Variants in ASIC2 observed in about 807,000 individuals in gnomAD.
The protein encoded by ASIC2 is acid sensing ion channel subunit 2.
In ASIC2, 25 loss-of-function variants were observed where a neutral mutation model predicts 57.3. That is an observed-to-expected ratio of 0.44 (90% CI 0.32 to 0.61). The LOEUF is 0.61. Ranked by LOEUF, ASIC2 falls within the 20% of genes least tolerant of loss-of-function variation. The probability of loss-of-function intolerance (pLI) is 0.06; values close to 1 mark genes in which losing one functional copy is unlikely to be tolerated. For missense variants in ASIC2, 641 were observed against 738.1 expected, an observed-to-expected ratio of 0.87 and a Z score of 1.52; for synonymous variants, 319 against 307.5, an observed-to-expected ratio of 1.04 and a Z score of -0.39.
chr17:33,138,516 C>G (rs1462672989), intron 1 of ASIC2, among the ~76,000 whole-genome samples: 1 of 152,214 alleles, frequency 6.6e-6, no homozygotes, highest in African/African-American at 2.4e-5. Context: ...AAGTCCTTGA[C>G]TAGTACACTT....
chr17:34,059,523 G>A lies in ASIC2; in HGVS notation c.555+96455C>T, dbSNP rs138029891. ...ACTCAGGGCAGGGCGCAAATTGGGC[G>A]TGCAGACTTCATAGGCAAGGAAAGA... On this transcript the variant is annotated intron_variant, in intron 1 of 9. Transcript: ENST00000359872. Among the ~76,000 whole-genome samples the A allele has an allele frequency of 1.4e-3, 217 of 152,304 alleles. 1 individual carries two copies. Among genetic ancestry groups the A allele is most frequent in the African/African-American group, 5.0e-3 (208 of 41,564 alleles).
intron 1 of ASIC2, among the ~76,000 whole-genome samples, chr17:33,728,758 T>C (rs181131141): frequency 1.3e-5 from 2 of 152,008 alleles, no homozygotes; most frequent in African/African-American, 2.4e-5. Context: ...TCAGAGTAGA[T>C]TGAGTTGGGA....
At chr17:33,810,324 A>G (rs1168241013) in intron 1 of ASIC2, among the ~76,000 whole-genome samples, 1 of 152,182 alleles carries the variant, frequency 6.6e-6, no homozygotes, top group Non-Finnish European at 1.5e-5. Context: ...TTGGTTTCCA[A>G]ACTTTGCTGC....
At chr17:33,813,514 G>T (rs972514454) in intron 1 of ASIC2, among the ~76,000 whole-genome samples, 2 of 152,160 alleles carry the variant, frequency 1.3e-5, no homozygotes, top group Non-Finnish European at 2.9e-5. Flanking sequence ...TTGGCTCACT[G>T]CAAGCTCCAC....
intron 1 of ASIC2, among the ~76,000 whole-genome samples, chr17:34,057,828 G>T (rs1597998426): frequency 6.6e-6 from 1 of 152,198 alleles, no homozygotes; most frequent in East Asian, 1.9e-4. Flanking sequence ...GGGTACTTTG[G>T]AAATGCCTGT....
intron 1 of ASIC2, among the ~76,000 whole-genome samples, chr17:33,333,310 CG>C (rs1907389927): frequency 6.6e-6 from 1 of 152,122 alleles, no homozygotes; most frequent in South Asian, 2.1e-4. Flanking sequence ...GGTTCTTATC[CG>C]GGCCTTATTT....
chr17:34,109,838 T>C (rs1911203194), intron 1 of ASIC2, among the ~76,000 whole-genome samples: 1 of 152,180 alleles, frequency 6.6e-6, no homozygotes, highest in Non-Finnish European at 1.5e-5. Flanking sequence ...GGATTAGACA[T>C]GAGTCCAGGT....
At chr17:33,082,453 C>T (rs899726966) in intron 3 of ASIC2, among the ~76,000 whole-genome samples, 1 of 152,100 alleles carries the variant, frequency 6.6e-6, no homozygotes, top group Non-Finnish European at 1.5e-5. Context: ...AATCCTAGCA[C>T]TTTGGAAGGC....
chr17:34,093,392 T>A (rs944811554), intron 1 of ASIC2, among the ~76,000 whole-genome samples: 2 of 152,170 alleles, frequency 1.3e-5, no homozygotes, highest in African/African-American at 4.8e-5. Flanking sequence ...GGATTCATAT[T>A]TCTGTCCTCC....
At chr17:33,309,739 C>A (rs1327111424) in intron 1 of ASIC2, among the ~76,000 whole-genome samples, 2 of 151,862 alleles carry the variant, frequency 1.3e-5, no homozygotes, top group Admixed American at 6.6e-5. Flanking sequence ...TATTGTGGTA[C>A]ACATCATTTC....
At chr17:33,249,459 G>A (rs1169222016) in intron 1 of ASIC2, among the ~76,000 whole-genome samples, 1 of 152,134 alleles carries the variant, frequency 6.6e-6, no homozygotes, top group African/African-American at 2.4e-5. Context: ...GAGAAAGAAG[G>A]GAACTGAGGA....
chr17:33,575,207 C>T (rs1031152498), intron 1 of ASIC2, among the ~76,000 whole-genome samples: 1 of 152,220 alleles, frequency 6.6e-6, no homozygotes, highest in Non-Finnish European at 1.5e-5. Flanking sequence ...TGATTCATCT[C>T]TGAATCTCCA....
chr17:33,042,629 C>A (rs995846083), intron 3 of ASIC2, among the ~76,000 whole-genome samples: 1 of 152,152 alleles, frequency 6.6e-6, no homozygotes, highest in African/African-American at 2.4e-5. Context: ...GAGACTGGAG[C>A]CCAGAGAGGT....
chr17:33,759,036 G>C (rs900579931), intron 1 of ASIC2, among the ~76,000 whole-genome samples: 2 of 152,032 alleles, frequency 1.3e-5, no homozygotes, highest in African/African-American at 4.8e-5. Flanking sequence ...AAAAAGCCTA[G>C]ATCCTAGTGA....
chr17:33,605,185 A>C (rs914472880), intron 1 of ASIC2, among the ~76,000 whole-genome samples: 5 of 152,236 alleles, frequency 3.3e-5, no homozygotes, highest in Non-Finnish European at 5.9e-5. Context: ...TACGTTGGGC[A>C]AGTGATACCT....
chr17:33,327,543 C>T (rs1298430873), intron 1 of ASIC2, among the ~76,000 whole-genome samples: 1 of 152,198 alleles, frequency 6.6e-6, no homozygotes, highest in African/African-American at 2.4e-5. Flanking sequence ...CTGCACTGCA[C>T]TGGGGATGTC....
chr17:33,374,453 A>G (rs558652191), intron 1 of ASIC2, among the ~76,000 whole-genome samples: 1 of 152,046 alleles, frequency 6.6e-6, no homozygotes, highest in East Asian at 1.9e-4. Flanking sequence ...TCCACAACCA[A>G]CCAGCAGCAC....
intron 1 of ASIC2, among the ~76,000 whole-genome samples, chr17:33,525,338 C>G (rs902390505): frequency 1.3e-5 from 2 of 152,166 alleles, no homozygotes; most frequent in African/African-American, 4.8e-5. Context: ...CATATCTTGT[C>G]GCTTAGCTGC....
At chr17:33,869,447 A>G (rs1351361437) in intron 1 of ASIC2, among the ~76,000 whole-genome samples, 1 of 152,236 alleles carries the variant, frequency 6.6e-6, no homozygotes, top group Admixed American at 6.5e-5. Context: ...CTGAATGTTC[A>G]TAGTACCATT....
Sources: gnomAD v4.1 joint callset for allele counts (sites outside exome capture counted in the v4.1 genomes callset) on GRCh38, gnomAD v4.1.1 for gene constraint, MANE v1.5 for transcripts, NCBI Gene and HGNC (gene_info 2026-07-23, HGNC 2026-07-21) for gene names.